Variants in UBE3D observed in about 807,000 individuals in gnomAD.
UBE3D encodes E3 ubiquitin-protein ligase E3D.
Under a neutral mutation model 49.6 loss-of-function variants are expected in UBE3D, and 48 were observed. The observed-to-expected ratio is 0.97, with a 90% CI of 0.77 to 1.23. The LOEUF (loss-of-function observed/expected upper bound fraction) is 1.23. Ranked by LOEUF, UBE3D falls within the 50% of genes most tolerant of loss-of-function variation. UBE3D has a pLI of 0.00. For missense variants in UBE3D, 452 were observed against 468.4 expected (o/e 0.96, Z 0.32); for synonymous variants, 189 against 174.2 (o/e 1.08, Z -0.67).
intron 8 of UBE3D, among the ~76,000 whole-genome samples, chr6:82,975,681 A>T (rs180821446): frequency 6.6e-6 from 1 of 152,334 alleles, no homozygotes; most frequent in African/African-American, 2.4e-5. Flanking sequence ...CATCTTAACA[A>T]GTAAACTCAA....
intron 4 of UBE3D, among the ~76,000 whole-genome samples, chr6:83,039,667 T>C (rs748383330): frequency 5.9e-5 from 9 of 152,126 alleles, no homozygotes; most frequent in Non-Finnish European, 8.8e-5. Context: ...TGTTTTGAGA[T>C]GGAGTCTTGC....
intron 9 of UBE3D, among the ~76,000 whole-genome samples, chr6:82,919,127 TG>T (rs1448689712): frequency 2.6e-5 from 4 of 152,094 alleles, no homozygotes; most frequent in African/African-American, 9.7e-5. Flanking sequence ...CAAAAAGACC[TG>T]GTGTTTTGAA....
chr6:82,985,688 T>C (rs1056848048), intron 8 of UBE3D, among the ~76,000 whole-genome samples: 3 of 152,192 alleles, frequency 2.0e-5, no homozygotes, highest in Non-Finnish European at 4.4e-5. Flanking sequence ...AAACCTCTGA[T>C]CTATTTGAAA....
At chr6:83,006,427 G>A (rs755444523) in intron 8 of UBE3D, among the ~76,000 whole-genome samples, 1 of 152,062 alleles carries the variant, frequency 6.6e-6, no homozygotes, top group Non-Finnish European at 1.5e-5. Context: ...TCATAAAGAT[G>A]GGTCCCTAAT....
At chr6:82,948,250 G>A (rs1775543919) in intron 9 of UBE3D, among the ~76,000 whole-genome samples, 1 of 151,764 alleles carries the variant, frequency 6.6e-6, no homozygotes, top group Non-Finnish European at 1.5e-5. Flanking sequence ...ACTATGAGCA[G>A]CTATATGCCA....
chr6:82,886,775 G>A, the UBE3D span, among the ~76,000 whole-genome samples: 1 of 152,292 alleles, frequency 6.6e-6, no homozygotes, highest in African/African-American at 2.4e-5. Context: ...AACAATAAAT[G>A]TCTCTTGCCT....
chr6:83,058,842 G>C (rs937891468), intron 1 of UBE3D, among the ~76,000 whole-genome samples: 5 of 152,180 alleles, frequency 3.3e-5, no homozygotes, highest in Non-Finnish European at 5.9e-5. Flanking sequence ...ATATGGATCT[G>C]CACTTAGTTA....
chr6:82,942,091 T>C (rs756961032), intron 9 of UBE3D, among the ~76,000 whole-genome samples: 8 of 152,124 alleles, frequency 5.3e-5, no homozygotes. Context: ...TGGAACTTCC[T>C]AGAGATTATT....
intron 8 of UBE3D, among the ~76,000 whole-genome samples, chr6:82,991,829 AC>A (rs1290078160): frequency 6.6e-6 from 1 of 152,082 alleles, no homozygotes; most frequent in African/African-American, 2.4e-5. Flanking sequence ...AAGGTTTTTC[AC>A]CCAAGTTCTG....
In UBE3D at chr6:83,054,190, G is replaced by A. The variant is rs772136577; in HGVS notation, c.323C>T (p.Thr108Met). 45 of 1,613,712 alleles carry A rather than the reference G, an allele frequency of 2.8e-5. No individual in the cohort carries two copies. The highest frequency in any genetic ancestry group is 3.3e-5 in the Non-Finnish European group (39 of 1,179,952). Reference protein sequence around the residue: ...NQSSQTQECCTFYCQSCGEVI... With the variant: ...NQSSQTQECCMFYCQSCGEVI... ...TTCACCGCAGGATTGGCAATAAAAC[G>A]TGCAACATTCTTGGGTTTGCGAGCT... The change falls in exon 3 of 10, where the codon ACG becomes ATG. Residue 108 changes from threonine to methionine, a missense_variant. Coordinates refer to ENST00000369747, the MANE Select transcript of UBE3D (RefSeq NM_198920.3).
intron 4 of UBE3D, 94 bp downstream of exon 4, chr6:83,044,332 CAG>C: frequency 1.7e-6 from 2 of 1,176,918 alleles, no homozygotes; most frequent in Non-Finnish European, 2.5e-6. Flanking sequence ...GCCTTTACAG[CAG>C]TCTATGTAAC....
At position 82,936,711 on chromosome 6, in the gene UBE3D, C is replaced by A. The variant is rs114440246; in HGVS notation, c.1149+20601G>T. On this transcript the variant is annotated intron_variant, in intron 9 of 9. Coordinates refer to ENST00000369747, the MANE Select transcript of UBE3D (RefSeq NM_198920.3). The stretch of plus-strand genomic sequence containing the variant: ...AATTGCTTTAAGCCCCTAATTGAAG[C>A]CCCTTCCCTGCTGCCCAGACATGAT... Among the ~76,000 whole-genome samples the A allele has an allele frequency of 4.2e-3, 639 of 152,266 alleles. 4 individuals are homozygous for A. The highest frequency in any genetic ancestry group is 0.015 in the African/African-American group (608 of 41,552).
At chr6:82,943,285 C>G (rs1775152029) in intron 9 of UBE3D, among the ~76,000 whole-genome samples, 1 of 152,078 alleles carries the variant, frequency 6.6e-6, no homozygotes, top group African/African-American at 2.4e-5. Context: ...ATCCACTGTC[C>G]CCCTGACAGG....
chr6:83,026,486 CAA>C (rs1159341920), intron 5 of UBE3D, among the ~76,000 whole-genome samples: 3 of 151,780 alleles, frequency 2.0e-5, no homozygotes, highest in African/African-American at 7.3e-5. Flanking sequence ...TTTAATAAGA[CAA>C]AGTTATTTTT....
chr6:82,962,369 C>T (rs927468960), intron 8 of UBE3D, among the ~76,000 whole-genome samples: 11 of 152,242 alleles, frequency 7.2e-5, no homozygotes, highest in African/African-American at 2.4e-4. Flanking sequence ...TACATTGGCA[C>T]CGCCTTGTCA....
At chr6:83,010,614 G>T (rs1780269447) in intron 8 of UBE3D, among the ~76,000 whole-genome samples, 1 of 152,154 alleles carries the variant, frequency 6.6e-6, no homozygotes, top group South Asian at 2.1e-4. Flanking sequence ...TTATTGAGGA[G>T]TATTAACTCA....
At chr6:82,934,725 A>C (rs1318870153) in intron 9 of UBE3D, among the ~76,000 whole-genome samples, 2 of 151,564 alleles carry the variant, frequency 1.3e-5, no homozygotes. Flanking sequence ...GAACCAACTA[A>C]GAATATTTAT....
chr6:83,020,819 C>G (rs1781040458), intron 7 of UBE3D, among the ~76,000 whole-genome samples: 2 of 152,146 alleles, frequency 1.3e-5, no homozygotes, highest in South Asian at 2.1e-4. Context: ...TACTATGTTT[C>G]CCTATTAGCT....
chr6:83,046,741 C>G (rs1338975983), intron 3 of UBE3D, among the ~76,000 whole-genome samples: 2 of 150,354 alleles, frequency 1.3e-5, no homozygotes, highest in Non-Finnish European at 2.9e-5. Flanking sequence ...AAGTGTTAGC[C>G]TCTTTCCTCA....
Sources: allele counts gnomAD v4.1 joint callset (sites outside exome capture counted in the v4.1 genomes callset), GRCh38; gene constraint gnomAD v4.1.1; transcripts MANE v1.5; gene names NCBI Gene and HGNC (gene_info 2026-07-23, HGNC 2026-07-21).